The following TYW1 variants were observed in gnomAD, a reference collection of about 807,000 sequenced individuals.
TYW1 encodes S-adenosyl-L-methionine-dependent tRNA 4-demethylwyosine synthase TYW1.
A neutral mutation model predicts 96.2 loss-of-function variants in TYW1; 46 were observed. The observed-to-expected ratio is 0.48, with a 90% CI of 0.38 to 0.61. TYW1 has a LOEUF of 0.61. TYW1 is among the 20% of genes least tolerant of loss of function. TYW1 has a pLI of 0.00. For missense variants in TYW1, 684 were observed against 909.6 expected (o/e 0.75, Z 3.19); for synonymous variants, 274 against 323.0 (o/e 0.85, Z 1.63).
chr7:67,204,223 G>T (rs1800695302), intron 15 of TYW1, among the ~76,000 whole-genome samples: 1 of 151,986 alleles, frequency 6.6e-6, no homozygotes, highest in Non-Finnish European at 1.5e-5. Flanking sequence ...TTTCTTTTTA[G>T]ATCTCTGATG....
At chr7:67,032,212 T>A (rs1474814458) in intron 7 of TYW1, among the ~76,000 whole-genome samples, 2 of 152,202 alleles carry the variant, frequency 1.3e-5, no homozygotes, top group Non-Finnish European at 2.9e-5. Context: ...GTTGTATTTT[T>A]ATTTTATTTT....
At position 67,065,312 on chromosome 7, in the gene TYW1, C is replaced by G. The variant is rs373354134; in HGVS notation, c.1156-1973C>G. ...CATTAAAGAGCCTATATCCACATGC[C>G]GTTGCATTGCATTGAAGTTTAGGAC... On this transcript the variant is annotated intron_variant, in intron 9 of 15. Transcript: ENST00000359626. 2.0e-5 allele frequency among the ~76,000 whole-genome samples: 3 copies of G among 152,288 alleles called. No homozygotes were observed. In the East Asian group the frequency reaches 5.8e-4, roughly 29 times the overall value.
At chr7:67,063,134 G>T (rs1309646382) in intron 9 of TYW1, among the ~76,000 whole-genome samples, 7 of 152,108 alleles carry the variant, frequency 4.6e-5, no homozygotes, top group East Asian at 3.8e-4. Context: ...TGCAAGGCAG[G>T]TTCAACATTT....
chr7:67,199,778 T>C (rs1231888363), intron 15 of TYW1, among the ~76,000 whole-genome samples: 1 of 152,222 alleles, frequency 6.6e-6, no homozygotes. Context: ...ATTAAATCCC[T>C]CATATCCTTA....
intron 15 of TYW1, among the ~76,000 whole-genome samples, chr7:67,228,964 A>G (rs1801654383): frequency 6.6e-6 from 1 of 152,174 alleles, no homozygotes; most frequent in African/African-American, 2.4e-5. Flanking sequence ...AACTGTTAGG[A>G]ACTAGTTCAT....
chr7:67,105,269 A>T (rs1476112524), intron 12 of TYW1, among the ~76,000 whole-genome samples: 1 of 152,238 alleles, frequency 6.6e-6, no homozygotes, highest in Non-Finnish European at 1.5e-5. Context: ...TACAGTCTAC[A>T]TACAGCACAA....
intron 1 of TYW1, among the ~76,000 whole-genome samples, chr7:66,997,422 A>G (rs1027802055): frequency 6.6e-6 from 1 of 152,194 alleles, no homozygotes; most frequent in Non-Finnish European, 1.5e-5. Flanking sequence ...TGCTTTTACT[A>G]CTTAAGCTTT....
intron 13 of TYW1, among the ~76,000 whole-genome samples, chr7:67,155,260 G>C (rs997100902): frequency 2.0e-5 from 3 of 152,224 alleles, no homozygotes; most frequent in Non-Finnish European, 4.4e-5. Flanking sequence ...GGGCCTGGTA[G>C]AAGGTGTTTA....
rs1793265614 is a variant in TYW1, at chr7:66,998,336, C to G, written c.135+141C>G. On this transcript the variant is annotated intron_variant, in intron 2 of 15. Coordinates refer to ENST00000359626, the MANE Select transcript of TYW1 (RefSeq NM_018264.4). Reference sequence around the variant, plus strand: ...GAAATGCCTAAAATAAATTTCTTCTCTAAGTTTTTGGAGACTAAGTTATCT... The same window carrying G: ...GAAATGCCTAAAATAAATTTCTTCTGTAAGTTTTTGGAGACTAAGTTATCT... 2.6e-5 allele frequency: 32 copies of G among 1,213,526 alleles called. No individual in the cohort carries two copies. The highest frequency in any genetic ancestry group is 3.5e-5 in the Non-Finnish European group (32 of 906,320). 75.2% of individuals were successfully genotyped at this position (1,213,526 alleles called of 1,614,324 possible).
Position 67,238,474 on chromosome 7 carries a change from C to T in TYW1, c.2144C>T (p.Pro715Leu). The change falls in exon 16 of 16, where the codon CCC becomes CTC. Residue 715 changes from proline (P) to leucine (L), a missense_variant. Coordinates refer to ENST00000359626, the MANE Select transcript of TYW1 (RefSeq NM_018264.4). Reference protein sequence around the residue: ...LFGASERGFDPKDTRHQRKNK... With the variant: ...LFGASERGFDLKDTRHQRKNK... ...GGTGCCAGTGAAAGAGGCTTTGATC[C>T]CAAGGACACAAGACATCAGAGAAAG... 1 of 1,613,748 alleles carries T rather than the reference C, an allele frequency of 6.2e-7. No homozygotes were observed. The highest frequency in any genetic ancestry group is 8.5e-7 in the Non-Finnish European group (1 of 1,179,828).
At chr7:67,001,784 G>A (rs1793400949) in intron 3 of TYW1, among the ~76,000 whole-genome samples, 1 of 150,914 alleles carries the variant, frequency 6.6e-6, no homozygotes. Context: ...TGTAATCTCA[G>A]CACTTTGGGA....
intron 13 of TYW1, among the ~76,000 whole-genome samples, chr7:67,143,363 A>G (rs1265405220): frequency 6.6e-6 from 1 of 152,236 alleles, no homozygotes; most frequent in Non-Finnish European, 1.5e-5. Flanking sequence ...GCATTCTGCA[A>G]GAAGTGATAG....
chr7:67,126,017 A>G (rs978202410), intron 13 of TYW1, among the ~76,000 whole-genome samples: 1 of 152,056 alleles, frequency 6.6e-6, no homozygotes. Flanking sequence ...CCCAGCTGCT[A>G]TAAACATCTG....
At position 67,100,105 on chromosome 7, in the gene TYW1, G is replaced by A. The variant is rs535621362; in HGVS notation, c.1562+1387G>A. 7.9e-5 allele frequency among the ~76,000 whole-genome samples: 12 copies of A among 152,248 alleles called. No homozygotes were observed. The South Asian group carries it at 2.5e-3, about 32-fold the overall frequency. ...GAAGAGGACTAGGTAATTACACTGA[G>A]GGTTCCAGCCATGTTGATTGCTAGG... is the stretch of plus-strand genomic sequence containing the variant. On this transcript the variant is annotated intron_variant, in intron 12 of 15. Transcript: ENST00000359626.
At chr7:67,006,845 A>G (rs2129238509) in intron 3 of TYW1, among the ~76,000 whole-genome samples, 1 of 151,278 alleles carries the variant, frequency 6.6e-6, no homozygotes, top group South Asian at 2.1e-4. Flanking sequence ...CATGGTGCCA[A>G]CATCCACTTG....
chr7:67,029,434 A>ACACATAT (rs1251271240), intron 7 of TYW1, among the ~76,000 whole-genome samples: 2 of 60,404 alleles, frequency 3.3e-5, no homozygotes, highest in Non-Finnish European at 6.9e-5. Flanking sequence ...TATATATATA[A>ACACATAT]ATAGTATTTT....
At chr7:67,200,030 T>C (rs1584687586) in intron 15 of TYW1, among the ~76,000 whole-genome samples, 1 of 152,276 alleles carries the variant, frequency 6.6e-6, no homozygotes, top group Admixed American at 6.5e-5. Context: ...TAATAAATAG[T>C]TGTTACTGCT....
intron 14 of TYW1, among the ~76,000 whole-genome samples, chr7:67,194,295 C>A (rs1314521929): frequency 1.3e-5 from 2 of 151,616 alleles, no homozygotes; most frequent in East Asian, 3.9e-4. Flanking sequence ...GTTTATGTAA[C>A]CACATTCAAA....
chr7:67,046,910 G>A (rs1159523928), intron 7 of TYW1, among the ~76,000 whole-genome samples: 1 of 152,166 alleles, frequency 6.6e-6, no homozygotes, highest in Admixed American at 6.6e-5. Context: ...TTCCATGGCC[G>A]TCCTTTGGAG....
Sources: allele counts gnomAD v4.1 joint callset (sites outside exome capture counted in the v4.1 genomes callset), GRCh38; gene constraint gnomAD v4.1.1; transcripts MANE v1.5; gene names NCBI Gene and HGNC (gene_info 2026-07-23, HGNC 2026-07-21).